Variants in KCMF1 observed in about 807,000 individuals in gnomAD.
The protein encoded by KCMF1 is E3 ubiquitin-protein ligase KCMF1.
A neutral mutation model predicts 41.1 loss-of-function variants in KCMF1; 3 were observed. The ratio of observed to expected loss-of-function variants is 0.07; its 90% confidence interval spans 0.03 to 0.19. KCMF1 has a LOEUF of 0.19. KCMF1 is among the 10% of genes least tolerant of loss of function. The pLI is 1.00. For synonymous variants in KCMF1, 142 were observed against 164.5 expected (o/e 0.86, Z 1.04); for missense variants, 286 against 488.9 (o/e 0.58, Z 3.91).
chr2:85,048,149 C>T lies in KCMF1; in HGVS notation c.602-1217C>T, dbSNP rs139841869. 6.0e-3 allele frequency among the ~76,000 whole-genome samples: 916 copies of T among 152,154 alleles called. 8 individuals carry two copies. Among genetic ancestry groups the T allele is most frequent in the African/African-American group, 0.021 (866 of 41,494 alleles). On this transcript the variant is annotated intron_variant, in intron 5 of 6. Transcript: ENST00000409785. ...AAACAACCTAAGAACAATTTTATAC[C>T]TATCATGTTATTTAAAAGTTAGATA...
rs34687477 is a variant in KCMF1, at chr2:84,982,389, C to CTTTTTTTTTTTTTTTTTT, written c.16+10938_16+10955dup. The stretch of plus-strand genomic sequence containing the variant: ...GAGTTACAGATGTGTTCCTTATTTT[C>CTTTTTTTTTTTTTTTTTT]TTTTTTTTTTTTTTTTTTTTTTTTT... On this transcript the variant is annotated intron_variant, in intron 1 of 6. Coordinates refer to ENST00000409785, the MANE Select transcript of KCMF1 (RefSeq NM_020122.5). Among the ~76,000 whole-genome samples, 73 of 47,258 alleles carry CTTTTTTTTTTTTTTTTTT rather than the reference C, an allele frequency of 1.5e-3. 13 individuals are homozygous for CTTTTTTTTTTTTTTTTTT. Among genetic ancestry groups the CTTTTTTTTTTTTTTTTTT allele is most frequent in the African/African-American group, 6.0e-3 (67 of 11,232 alleles). 31.0% of individuals were successfully genotyped at this position (47,258 alleles called of 152,430 possible).
chr2:84,991,112 G>T (rs1050873007), intron 1 of KCMF1, among the ~76,000 whole-genome samples: 4 of 152,184 alleles, frequency 2.6e-5, no homozygotes, highest in Non-Finnish European at 5.9e-5. Flanking sequence ...AGTAGTGGTG[G>T]CCTGGCCCAG....
At chr2:84,992,706 C>T (rs935238406) in intron 1 of KCMF1, among the ~76,000 whole-genome samples, 1 of 151,844 alleles carries the variant, frequency 6.6e-6, no homozygotes, top group Non-Finnish European at 1.5e-5. Context: ...CATCTTGGCT[C>T]ACTGCAAGCT....
intron 1 of KCMF1, among the ~76,000 whole-genome samples, chr2:85,021,621 A>C (rs115094938): frequency 0.023 from 3,405 of 150,076 alleles, 128 homozygotes; most frequent in African/African-American, 0.078. Flanking sequence ...GACTGTCACA[A>C]AAAAAAAAAA....
chr2:85,012,885 TACAAA>T lies in KCMF1; in HGVS notation c.17-15000_17-14996del, dbSNP rs1674683576. 2.6e-5 allele frequency among the ~76,000 whole-genome samples: 4 copies of T among 152,224 alleles called. No homozygotes were observed. In the South Asian group the frequency reaches 8.3e-4, roughly 31 times the overall value. ...TGCTAACATTTTAAATTGGTTAGCCTACAAAACAGGGGAAAGTGACTTAGTTCATG... is the reference window on the plus strand; with the variant it reads ...TGCTAACATTTTAAATTGGTTAGCCTACAGGGGAAAGTGACTTAGTTCATG... On this transcript the variant is annotated intron_variant, in intron 1 of 6. Transcript: ENST00000409785.
At chr2:85,008,742 C>T (rs1190566056) in intron 1 of KCMF1, among the ~76,000 whole-genome samples, 2 of 151,146 alleles carry the variant, frequency 1.3e-5, no homozygotes, top group Non-Finnish European at 2.9e-5. Context: ...AGACTGAAAG[C>T]ACTGCAAGTA....
chr2:84,974,901 G>A (rs1673506100), intron 1 of KCMF1, among the ~76,000 whole-genome samples: 1 of 151,048 alleles, frequency 6.6e-6, no homozygotes, highest in Non-Finnish European at 1.5e-5. Context: ...TAGAGATGGG[G>A]TTTCACCATG....
At chr2:85,005,122 G>A (rs1674435349) in intron 1 of KCMF1, among the ~76,000 whole-genome samples, 1 of 152,060 alleles carries the variant, frequency 6.6e-6, no homozygotes, top group African/African-American at 2.4e-5. Context: ...GGCCAGGCTG[G>A]TCTTGAACTC....
intron 1 of KCMF1, among the ~76,000 whole-genome samples, chr2:85,018,093 G>A (rs908905829): frequency 1.4e-4 from 21 of 151,954 alleles, no homozygotes; most frequent in Non-Finnish European, 5.9e-5. Context: ...TGACAGTGTT[G>A]AAAAAGGGGT....
At chr2:85,030,966 G>A (rs1675252578) in intron 2 of KCMF1, among the ~76,000 whole-genome samples, 1 of 152,212 alleles carries the variant, frequency 6.6e-6, no homozygotes, top group South Asian at 2.1e-4. Flanking sequence ...CCAAAGTGCT[G>A]AGATTGCAGG....
chr2:85,056,622 G>A lies in KCMF1; in HGVS notation c.*3213G>A, dbSNP rs1675938206. 6.6e-6 allele frequency: 1 copy of A among 152,236 alleles called. No individual in the cohort carries two copies. The highest frequency in any genetic ancestry group is 2.4e-5 in the African/African-American group (1 of 41,452). 9.4% of individuals were successfully genotyped at this position (152,236 alleles called of 1,614,324 possible). On this transcript the variant is annotated 3_prime_UTR_variant, in exon 7 of 7. Transcript: ENST00000409785. ...TACTAGAGAGGTTACGGTAGCAGGTGGCTGCAGAAAAGAATCTTTTGAATG... is the reference window on the plus strand; with the variant it reads ...TACTAGAGAGGTTACGGTAGCAGGTAGCTGCAGAAAAGAATCTTTTGAATG...
At position 85,059,351 on chromosome 2, in the gene KCMF1, A is replaced by G. The variant is rs1676010762; in HGVS notation, c.*5942A>G. On this transcript the variant is annotated 3_prime_UTR_variant, in exon 7 of 7. Transcript: ENST00000409785. Reference sequence around the variant, plus strand: ...GATACAGTACTTTAGAATAAATTGCATATTGTATCAGGCTCCGAGACTAAT... The same window carrying G: ...GATACAGTACTTTAGAATAAATTGCGTATTGTATCAGGCTCCGAGACTAAT... 6.6e-6 allele frequency: 1 copy of G among 152,208 alleles called. No individual in the cohort carries two copies. Among genetic ancestry groups the G allele is most frequent in the African/African-American group, 2.4e-5 (1 of 41,466 alleles). The allele number at this position is 152,208 out of a possible 1,614,324, so 9.4% of individuals were successfully genotyped here. A position where few individuals can be genotyped will look rare whatever the true frequency, so the allele number is the denominator to read the frequency against.
chr2:85,043,200 T>TAGG (rs1352159531), intron 3 of KCMF1, among the ~76,000 whole-genome samples: 1 of 152,384 alleles, frequency 6.6e-6, no homozygotes, highest in African/African-American at 2.4e-5. Context: ...AAGTGTGCCA[T>TAGG]AGGCTTGTAT....
rs144195818 is a variant in KCMF1, at chr2:85,024,624, AAG to A, written c.17-3261_17-3260del. ...TGTGTGTGCGCGTGTGTGTGTGAGA[AAG>A]AGAAAGATTTAAGAAATTGTTTTCT... On this transcript the variant is annotated intron_variant, in intron 1 of 6. Transcript: ENST00000409785. Among the ~76,000 whole-genome samples the A allele has an allele frequency of 5.6e-3, 740 of 132,952 alleles. 4 individuals are homozygous for A. The highest frequency in any genetic ancestry group is 8.7e-3 in the Non-Finnish European group (524 of 60,152). The allele number at this position is 132,952 out of a possible 152,430, so 87.2% of individuals were successfully genotyped here. A position where few individuals can be genotyped will look rare whatever the true frequency, so the allele number is the denominator to read the frequency against.
At chr2:84,971,608 G>A (rs1448139599) in intron 1 of KCMF1, 141 bp downstream of exon 1, 3 of 294,698 alleles carry the variant, frequency 1.0e-5, no homozygotes, top group South Asian at 1.3e-4. Context: ...ACCCGGGAGC[G>A]AGCGAGCGAG....
chr2:84,998,596 C>T (rs200625476), intron 1 of KCMF1, among the ~76,000 whole-genome samples: 50 of 131,340 alleles, frequency 3.8e-4, no homozygotes, highest in East Asian at 2.9e-3. Flanking sequence ...TATTTATTTA[C>T]TTACTTACTT....
intron 1 of KCMF1, among the ~76,000 whole-genome samples, chr2:85,008,260 T>G (rs567354960): frequency 8.9e-6 from 1 of 112,676 alleles, no homozygotes; most frequent in African/African-American, 3.4e-5. Flanking sequence ...ATATATTATA[T>G]ATCATATATA....
intron 1 of KCMF1, among the ~76,000 whole-genome samples, chr2:85,011,143 TC>T (rs1674642814): frequency 1.3e-5 from 2 of 152,134 alleles, no homozygotes; most frequent in South Asian, 4.2e-4. Flanking sequence ...GCCCGGCCAG[TC>T]TATTACTTTT....
Position 85,031,209 on chromosome 2 carries a change from G to C in KCMF1, c.184+3153G>C, listed in dbSNP as rs113349880. On this transcript the variant is annotated intron_variant, in intron 2 of 6. Coordinates refer to ENST00000409785, the MANE Select transcript of KCMF1 (RefSeq NM_020122.5). ...ATTTTGAATGGAATTATGTCGAATC[G>C]GTAGATTAGTTTGGAGAGTATTGCC... Among the ~76,000 whole-genome samples the C allele has an allele frequency of 2.4e-3, 370 of 152,258 alleles. 1 individual carries two copies. Among genetic ancestry groups the C allele is most frequent in the Non-Finnish European group, 3.9e-3 (265 of 68,014 alleles).
Sources: gnomAD v4.1 joint callset for allele counts (sites outside exome capture counted in the v4.1 genomes callset) on GRCh38, gnomAD v4.1.1 for gene constraint, MANE v1.5 for transcripts, NCBI Gene and HGNC (gene_info 2026-07-23, HGNC 2026-07-21) for gene names.